MXD4: variants seen among roughly 807,000 people sequenced by gnomAD.
MXD4 encodes the protein Mad4 homolog.
In MXD4, 16 loss-of-function variants were observed where a neutral mutation model predicts 24.5. The ratio of observed to expected loss-of-function variants is 0.65; its 90% CI spans 0.44 to 0.99. The LOEUF (loss-of-function observed/expected upper bound fraction) is 0.99, where lower values mean the gene tolerates loss of function less well. Ranked by LOEUF, MXD4 falls within the 50% of genes least tolerant of loss-of-function variation. The probability of loss-of-function intolerance (pLI) is 0.00; values close to 1 mark genes in which losing one functional copy is unlikely to be tolerated. For missense variants in MXD4, 301 were observed against 301.5 expected, an observed-to-expected ratio of 1.00 and a Z score of 0.01; for synonymous variants, 164 against 134.2, an observed-to-expected ratio of 1.22 and a Z score of -1.54.
intron 5 of MXD4, 50 bp from the exon 6 acceptor site, chr4:2,250,751 C>T (rs879884808): frequency 6.3e-7 from 1 of 1,578,530 alleles, no homozygotes; most frequent in Non-Finnish European, 8.6e-7. Flanking sequence ...AGGGTGCCAG[C>T]CCATTTCTCC....
chr4:2,255,223 A>G (rs1384185309), intron 3 of MXD4: 2 of 433,662 alleles, frequency 4.6e-6, no homozygotes, highest in Admixed American at 2.5e-5. Flanking sequence ...TCCAAGTCTC[A>G]TCGGCAATGT....
chr4:2,250,176 C>T lies in MXD4; in HGVS notation c.*368G>A. ...TTCTCCTGGGATCCAGGGTTGGGGT[C>T]TGAGCTCCCTGTGGTGGTCATTAAG... On this transcript the variant is annotated 3_prime_UTR_variant, in exon 6 of 6. Coordinates refer to ENST00000337190, the MANE Select transcript of MXD4 (RefSeq NM_006454.3). The T allele has an allele frequency of 4.1e-6, 1 of 244,962 alleles. No individual in the cohort carries two copies. Among genetic ancestry groups the T allele is most frequent in the Non-Finnish European group, 8.0e-6 (1 of 125,080 alleles). The allele number at this position is 244,962 out of a possible 1,614,324, so 15.2% of individuals were successfully genotyped here. A position where few individuals can be genotyped will look rare whatever the true frequency, so the allele number is the denominator to read the frequency against.
chr4:2,253,335 C>G (rs973081375), intron 3 of MXD4: 1 of 152,206 alleles, frequency 6.6e-6, no homozygotes, highest in African/African-American at 2.4e-5. Flanking sequence ...CACCCAGAGG[C>G]ATCAACTCGG....
At chr4:2,253,368 C>A (rs147515065) in intron 3 of MXD4, 33 of 152,318 alleles carry the variant, frequency 2.2e-4, no homozygotes, top group African/African-American at 7.0e-4. Flanking sequence ...GCCAGGCCCA[C>A]GTGCACCTGC....
intron 3 of MXD4, among the ~76,000 whole-genome samples, chr4:2,257,311 C>G (rs1271964508): frequency 6.6e-6 from 1 of 152,192 alleles, no homozygotes; most frequent in Non-Finnish European, 1.5e-5. Context: ...GAGCGAAGGA[C>G]CAGCATCCCT....
chr4:2,257,427 C>T (rs1735453357), intron 3 of MXD4, among the ~76,000 whole-genome samples: 1 of 152,212 alleles, frequency 6.6e-6, no homozygotes, highest in South Asian at 2.1e-4. Flanking sequence ...AGCTCACCTG[C>T]ACCTCATCCC....
intron 4 of MXD4, among the ~76,000 whole-genome samples, chr4:2,251,585 G>A (rs747988421): frequency 1.3e-4 from 20 of 152,348 alleles, no homozygotes; most frequent in Non-Finnish European, 2.6e-4. Flanking sequence ...GGCTGGCACC[G>A]TCTCCAGGAC....
At chr4:2,251,494 C>T (rs956339061) in intron 4 of MXD4, among the ~76,000 whole-genome samples, 2 of 152,240 alleles carry the variant, frequency 1.3e-5, no homozygotes, top group Non-Finnish European at 2.9e-5. Flanking sequence ...GTCTACGGCC[C>T]AGCTCTAATA....
In MXD4 at chr4:2,250,776, G is replaced by A; in HGVS notation, c.473-75C>T. The stretch of plus-strand genomic sequence containing the variant: ...CCCATTTCTCCCTTTTCTGGAAGCA[G>A]AAGCTCTAGGCAGAGGGGCAGAAGT... On this transcript the variant is annotated intron_variant, in intron 5 of 5. Transcript: ENST00000337190. 4 of 1,539,190 alleles carry A rather than the reference G, an allele frequency of 2.6e-6. No individual in the cohort carries two copies. The South Asian group carries it at 4.9e-5, about 19-fold the overall frequency.
Position 2,259,340 on chromosome 4 carries a change from G to A in MXD4, c.165-1329C>T, listed in dbSNP as rs544150726. Among the ~76,000 whole-genome samples the A allele has an allele frequency of 3.3e-5, 5 of 151,978 alleles. 1 individual carries two copies. Among genetic ancestry groups the A allele is most frequent in the African/African-American group, 1.2e-4 (5 of 41,442 alleles). ...GGAGGGCCTGTTGGTCACATGGGCT[G>A]GACAAGGAGCCTCCGAATCACTGCC... On this transcript the variant is annotated intron_variant, in intron 2 of 5. Transcript: ENST00000337190.
chr4:2,261,851 C>T, intron 1 of MXD4, 27 bp from the exon 2 acceptor site: 3 of 1,365,484 alleles, frequency 2.2e-6, no homozygotes, highest in Non-Finnish European at 1.9e-6. Context: ...CGGTCAGCGG[C>T]CCCCGCCCGG....
At chr4:2,260,072 C>T (rs1463727274) in intron 2 of MXD4, among the ~76,000 whole-genome samples, 1 of 152,232 alleles carries the variant, frequency 6.6e-6, no homozygotes, top group Non-Finnish European at 1.5e-5. Context: ...GAGGAAACCT[C>T]CAGGGCAGTG....
chr4:2,260,376 T>C (rs1022984160), intron 2 of MXD4, among the ~76,000 whole-genome samples: 6 of 152,128 alleles, frequency 3.9e-5, no homozygotes, highest in Admixed American at 1.3e-4. Flanking sequence ...GAGCCTGGGG[T>C]GAAGATGAAC....
rs1202365906 is a variant in MXD4, at chr4:2,251,257, G to A, written c.310-11C>T. ...CTGCTCCTCCAGTTTCTGGGGTCGA[G>A]GGGGGCTGTGAGCTCACAGCGGGAA... On this transcript the variant is annotated splice_polypyrimidine_tract_variant and intron_variant, in intron 4 of 5. Transcript: ENST00000337190. 1.3e-6 allele frequency: 2 copies of A among 1,577,372 alleles called. No individual in the cohort carries two copies. The highest frequency in any genetic ancestry group is 1.7e-6 in the Non-Finnish European group (2 of 1,157,230).
At chr4:2,261,867 C>A (rs2108792489) in intron 1 of MXD4, 43 bp from the exon 2 acceptor site, 2 of 1,387,762 alleles carry the variant, frequency 1.4e-6, no homozygotes, top group Non-Finnish European at 1.9e-6. Flanking sequence ...CCCGGCACGG[C>A]CCCGCCGCCC....
In MXD4 at chr4:2,249,109, CAGG is replaced by C. The variant is rs1735257878; in HGVS notation, c.*1432_*1434del. On this transcript the variant is annotated 3_prime_UTR_variant, in exon 6 of 6. Coordinates refer to ENST00000337190, the MANE Select transcript of MXD4 (RefSeq NM_006454.3). The stretch of plus-strand genomic sequence containing the variant: ...GGTCACAGCCCCTCCGTGCCACCCA[CAGG>C]GGCCTGGCTGCATCGCCTCCAGGAA... The C allele has an allele frequency of 1.3e-5, 2 of 152,486 alleles. No homozygotes were observed. Among genetic ancestry groups the C allele is most frequent in the Admixed American group, 1.3e-4 (2 of 15,292 alleles). The allele number at this position is 152,486 out of a possible 1,614,324, so 9.4% of individuals were successfully genotyped here. A position where few individuals can be genotyped will look rare whatever the true frequency, so the allele number is the denominator to read the frequency against.
At chr4:2,261,412 GA>G (rs934144642) in intron 2 of MXD4, among the ~76,000 whole-genome samples, 1 of 152,170 alleles carries the variant, frequency 6.6e-6, no homozygotes, top group African/African-American at 2.4e-5. Flanking sequence ...CTACCGCCTG[GA>G]AAAGTCCAGA....
chr4:2,257,890 C>G, intron 3 of MXD4, 92 bp downstream of exon 3: 1 of 1,545,076 alleles, frequency 6.5e-7, no homozygotes. Context: ...CTGGCCGTGC[C>G]CGGGACAGGG....
At position 2,251,157 on chromosome 4, in the gene MXD4, C is replaced by T. The variant is rs1050918409; in HGVS notation, c.399G>A (p.Leu133=). 1 of 1,600,660 alleles carries T rather than the reference C, an allele frequency of 6.2e-7. No individual in the cohort carries two copies. The highest frequency in any genetic ancestry group is 8.5e-7 in the Non-Finnish European group (1 of 1,173,538). The change falls in exon 5 of 6, where the codon CTG becomes CTA. Residue 133 remains leucine, a synonymous_variant. Coordinates refer to ENST00000337190, the MANE Select transcript of MXD4 (RefSeq NM_006454.3). ...GCACGCGCTCCACGCTCTGCACCGA[C>T]AGCTGCTCCAGGCGCCGCTTCAGGA... ...HRFLKRRLEQ[L]SVQSVERVRT...
Sources: gnomAD v4.1 joint callset for allele counts (sites outside exome capture counted in the v4.1 genomes callset) on GRCh38, gnomAD v4.1.1 for gene constraint, MANE v1.5 for transcripts, NCBI Gene and HGNC (gene_info 2026-07-23, HGNC 2026-07-21) for gene names.